The following UST variants were observed in gnomAD, a reference collection of about 807,000 sequenced individuals.
UST encodes the protein uronyl 2-sulfotransferase.
A neutral mutation model predicts 45.6 loss-of-function variants in UST; 21 were observed. The ratio of observed to expected loss-of-function variants is 0.46; its 90% CI spans 0.33 to 0.66. The LOEUF (loss-of-function observed/expected upper bound fraction) is 0.66. UST is among the 30% of genes least tolerant of loss of function. The pLI, the probability that UST is intolerant of heterozygous loss-of-function variation, is 0.02. For missense variants in UST, 463 were observed against 512.4 expected (o/e 0.90, Z 0.93); for synonymous variants, 215 against 200.6 (o/e 1.07, Z -0.61).
At chr6:149,017,066 T>C (rs972739838) in intron 5 of UST, among the ~76,000 whole-genome samples, 1 of 152,218 alleles carries the variant, frequency 6.6e-6, no homozygotes, top group African/African-American at 2.4e-5. Flanking sequence ...TAAATCTCTG[T>C]ACAGTTTTCT....
In UST at chr6:148,934,361, C is replaced by T. The variant is rs1779979600; in HGVS notation, c.292-6918C>T. On this transcript the variant is annotated intron_variant, in intron 2 of 7. Coordinates refer to ENST00000367463, the MANE Select transcript of UST (RefSeq NM_005715.3). The surrounding 1 kb of genome is among the most constrained non-coding windows in gnomAD (Gnocchi z 4.1). ...AATGGAGTTGCTGAAAAATCATGAA[C>T]TGCAGTTTTATTCGTCAAGCAAAGT... 2.0e-5 allele frequency among the ~76,000 whole-genome samples: 3 copies of T among 152,186 alleles called. No homozygotes were observed. The highest frequency in any genetic ancestry group is 6.5e-5 in the Admixed American group (1 of 15,280).
chr6:148,927,807 C>G (rs528476693), intron 2 of UST, among the ~76,000 whole-genome samples: 132 of 152,306 alleles, frequency 8.7e-4, no homozygotes, highest in African/African-American at 3.0e-3. Flanking sequence ...CAAAGCAGCT[C>G]TAGATGGGGC....
intron 5 of UST, among the ~76,000 whole-genome samples, chr6:148,975,883 T>C (rs1030576469): frequency 6.6e-6 from 1 of 152,180 alleles, no homozygotes; most frequent in African/African-American, 2.4e-5. Context: ...AGCTAGAGGA[T>C]GGCAAAGCAT....
intron 1 of UST, among the ~76,000 whole-genome samples, chr6:148,760,660 A>G (rs1216092921): frequency 3.3e-5 from 5 of 152,108 alleles, no homozygotes; most frequent in African/African-American, 1.2e-4. Flanking sequence ...AGAAAAAAAA[A>G]ACTATATTAA....
chr6:148,851,823 C>T (rs1396858118), intron 1 of UST, among the ~76,000 whole-genome samples: 3 of 152,210 alleles, frequency 2.0e-5, no homozygotes, highest in Non-Finnish European at 4.4e-5. Flanking sequence ...GAGGGGAGCC[C>T]TCCAGCTCAC....
At chr6:148,791,920 A>G (rs1737019084) in intron 1 of UST, among the ~76,000 whole-genome samples, 1 of 152,212 alleles carries the variant, frequency 6.6e-6, no homozygotes, top group Non-Finnish European at 1.5e-5. Context: ...AGGATGCTGT[A>G]TCTAAGCTTG....
At chr6:148,777,691 C>A (rs1310868611) in intron 1 of UST, among the ~76,000 whole-genome samples, 1 of 152,100 alleles carries the variant, frequency 6.6e-6, no homozygotes, top group Non-Finnish European at 1.5e-5. Flanking sequence ...ATTATGGGCA[C>A]CTGCCACCAC....
chr6:148,968,188 T>C (rs920570357), intron 5 of UST, among the ~76,000 whole-genome samples: 2 of 152,260 alleles, frequency 1.3e-5, no homozygotes, highest in African/African-American at 4.8e-5. Flanking sequence ...AATCATTTGA[T>C]GTAACATCGT....
At chr6:148,983,033 A>C (rs964669187) in intron 5 of UST, among the ~76,000 whole-genome samples, 1 of 152,190 alleles carries the variant, frequency 6.6e-6, no homozygotes, top group Non-Finnish European at 1.5e-5. Context: ...TCTGTATTTA[A>C]TTTATTTGCA....
At chr6:148,754,207 A>G (rs916613978) in intron 1 of UST, among the ~76,000 whole-genome samples, 4 of 152,088 alleles carry the variant, frequency 2.6e-5, no homozygotes, top group South Asian at 2.1e-4. Context: ...TGTGTTAGCC[A>G]GGATGGTCTC....
chr6:148,878,516 ATCGTGTATGAGTGCGGGG>A (rs1778756760), intron 1 of UST, among the ~76,000 whole-genome samples: 1 of 38,148 alleles, frequency 2.6e-5, no homozygotes, highest in African/African-American at 1.0e-4. Context: ...GAGTGCGGGG[ATCGTGTATGAGTGCGGGG>A]GGTCATGTAT....
At chr6:149,004,397 G>C (rs1179810799) in intron 5 of UST, among the ~76,000 whole-genome samples, 1 of 152,210 alleles carries the variant, frequency 6.6e-6, no homozygotes, top group African/African-American at 2.4e-5. Context: ...TGCTTATATA[G>C]AGAAGTGGGG....
intron 5 of UST, among the ~76,000 whole-genome samples, chr6:148,995,393 C>A (rs1781434898): frequency 6.6e-6 from 1 of 152,254 alleles, no homozygotes. Context: ...CCCATTGTGA[C>A]TCAGCAGCTA....
chr6:148,786,434 T>A (rs1463776071), intron 1 of UST, among the ~76,000 whole-genome samples: 7 of 152,110 alleles, frequency 4.6e-5, no homozygotes, highest in Non-Finnish European at 7.4e-5. Context: ...TTCCTCCCCA[T>A]ATATCGATGT....
chr6:148,947,619 C>T (rs942264945), intron 3 of UST, among the ~76,000 whole-genome samples: 1 of 152,206 alleles, frequency 6.6e-6, no homozygotes, highest in South Asian at 2.1e-4. Flanking sequence ...AGACTCCATG[C>T]GTCCCTGAAG....
chr6:149,040,541 G>A (rs1481748658), intron 7 of UST, among the ~76,000 whole-genome samples: 1 of 152,118 alleles, frequency 6.6e-6, no homozygotes, highest in Non-Finnish European at 1.5e-5. Flanking sequence ...TGTAATCCCA[G>A]CTACTCGGGA....
intron 1 of UST, among the ~76,000 whole-genome samples, chr6:148,828,113 CTGTCAAATATATATATT>C (rs958179159): frequency 1.3e-5 from 2 of 152,002 alleles, no homozygotes; most frequent in Non-Finnish European, 2.9e-5. Context: ...ATGTTGACTT[CTGTCAAATATATATATT>C]TGTCAAATAT....
rs140404772 is a variant in UST at position 148,799,297 on chromosome 6, G to A, written c.247+51620G>A. Among the ~76,000 whole-genome samples the A allele has an allele frequency of 6.1e-4, 93 of 152,336 alleles. 1 individual carries two copies. Among genetic ancestry groups the A allele is most frequent in the African/African-American group, 2.2e-3 (90 of 41,580 alleles). ...GCACACTAGAAGACTTCTCTGAGGC[G>A]TGGGATGGGGGAGTTATTTGCTTAC... On this transcript the variant is annotated intron_variant, in intron 1 of 7. Transcript: ENST00000367463.
chr6:149,070,054 C>T (rs1464580897), intron 7 of UST, among the ~76,000 whole-genome samples: 1 of 151,842 alleles, frequency 6.6e-6, no homozygotes, highest in Non-Finnish European at 1.5e-5. Context: ...CCCCTTGGAT[C>T]CTTTGCCAGG....
Sources: allele counts gnomAD v4.1 joint callset (sites outside exome capture counted in the v4.1 genomes callset), GRCh38; gene constraint gnomAD v4.1.1; non-coding constraint Gnocchi (gnomAD v3.1); transcripts MANE v1.5; gene names NCBI Gene and HGNC (gene_info 2026-07-23, HGNC 2026-07-21).